Variants in SREK1 observed in about 807,000 individuals in gnomAD.
The protein encoded by SREK1 is splicing regulatory glutamic acid and lysine rich protein 1.
Under a neutral mutation model 66.5 loss-of-function variants are expected in SREK1, and 13 were observed. That is an observed-to-expected ratio of 0.20 (90% confidence interval 0.13 to 0.31). The LOEUF (loss-of-function observed/expected upper bound fraction) is 0.31, where lower values mean the gene tolerates loss of function less well. SREK1 is among the 10% of genes least tolerant of loss of function. The probability of loss-of-function intolerance (pLI) is 1.00; values close to 1 mark genes in which losing one functional copy is unlikely to be tolerated. For synonymous variants in SREK1, 265 were observed against 263.5 expected (o/e 1.01, Z -0.05); for missense variants, 607 against 769.6 (o/e 0.79, Z 2.50).
At chr5:66,148,521 G>A (rs913918324) in intron 1 of SREK1, among the ~76,000 whole-genome samples, 4 of 152,032 alleles carry the variant, frequency 2.6e-5, no homozygotes, top group African/African-American at 9.7e-5. Flanking sequence ...ATAAGATTTT[G>A]TATTTTAAAA....
intron 9 of SREK1, among the ~76,000 whole-genome samples, chr5:66,171,823 T>C (rs1438581411): frequency 6.6e-6 from 1 of 152,238 alleles, no homozygotes; most frequent in Non-Finnish European, 1.5e-5. Context: ...CTTTACTGTA[T>C]GCCAGACATG....
chr5:66,175,754 T>C (rs183206343), intron 10 of SREK1, among the ~76,000 whole-genome samples: 1 of 152,298 alleles, frequency 6.6e-6, no homozygotes, highest in East Asian at 1.9e-4. Flanking sequence ...TATTTCTTTT[T>C]CTGCGAATTG....
rs1746303565 is a variant in SREK1, at chr5:66,179,061, A to G, written c.*193A>G. The G allele has an allele frequency of 2.0e-6, 1 of 496,332 alleles. No homozygotes were observed. The highest frequency in any genetic ancestry group is 5.8e-5 in the South Asian group (1 of 17,288). The allele number at this position is 496,332 out of a possible 1,614,324, so 30.7% of individuals were successfully genotyped here. On this transcript the variant is annotated 3_prime_UTR_variant, in exon 12 of 12. Coordinates refer to ENST00000334121, the MANE Select transcript of SREK1 (RefSeq NM_001077199.3). ...ATAAAGCATGGACATCATGAAAATA[A>G]CAGATGTTACCCAAACTCATCTTCT...
Position 66,157,696 on chromosome 5 carries a change from G to C in SREK1, c.296-1523G>C, listed in dbSNP as rs534526552. 18 of 956,972 alleles carry C rather than the reference G, an allele frequency of 1.9e-5. 1 individual carries two copies. In the African/African-American group the frequency reaches 2.5e-4, roughly 13 times the overall value. 59.3% of individuals were successfully genotyped at this position (956,972 alleles called of 1,614,324 possible). ...TGCATGTTAAGAAATCTGTTCTCCAGAATTTTCACTGAAATAATAAAGATA... is the reference window on the plus strand; with the variant it reads ...TGCATGTTAAGAAATCTGTTCTCCACAATTTTCACTGAAATAATAAAGATA... On this transcript the variant is annotated intron_variant, in intron 2 of 11. Transcript: ENST00000334121.
Position 66,144,352 on chromosome 5 carries a change from G to A in SREK1, c.-25G>A. 6.6e-7 allele frequency: 1 copy of A among 1,515,728 alleles called. No individual in the cohort carries two copies. The highest frequency in any genetic ancestry group is 8.9e-7 in the Non-Finnish European group (1 of 1,121,024). 93.9% of individuals were successfully genotyped at this position (1,515,728 alleles called of 1,614,324 possible). A position where few individuals can be genotyped will look rare whatever the true frequency, so the allele number is the denominator to read the frequency against. ...GACGCGTCGTAGACGTTGGGGAGCGGGAAGGCAACGGCAGCGGGATCGGGA... is the reference window on the plus strand; with the variant it reads ...GACGCGTCGTAGACGTTGGGGAGCGAGAAGGCAACGGCAGCGGGATCGGGA... On this transcript the variant is annotated 5_prime_UTR_variant, in exon 1 of 12. Transcript: ENST00000334121.
chr5:66,174,835 C>G (rs1745922647), intron 9 of SREK1, 111 bp from the exon 10 acceptor site: 1 of 964,972 alleles, frequency 1.0e-6, no homozygotes, highest in African/African-American at 1.7e-5. Context: ...AAACTGGCCT[C>G]TAAAGAATAC....
intron 10 of SREK1, 69 bp from the exon 11 acceptor site, chr5:66,177,445 T>C: frequency 8.1e-7 from 1 of 1,230,542 alleles, no homozygotes; most frequent in Non-Finnish European, 1.1e-6. Context: ...TAGAAAAGGA[T>C]ATTTTGTCAA....
chr5:66,162,083 G>A, intron 3 of SREK1, 26 bp from the exon 4 acceptor site: 1 of 1,604,428 alleles, frequency 6.2e-7, no homozygotes, highest in South Asian at 1.1e-5. Flanking sequence ...TATGTGTTCT[G>A]TGTGTTTTTT....
At chr5:66,145,968 T>C (rs1320181090) in intron 1 of SREK1, among the ~76,000 whole-genome samples, 1 of 151,828 alleles carries the variant, frequency 6.6e-6, no homozygotes, top group Non-Finnish European at 1.5e-5. Flanking sequence ...AGATGAGATA[T>C]ATAGATGAGG....
chr5:66,159,882 G>T (rs6875721), intron 3 of SREK1, among the ~76,000 whole-genome samples: 1 of 152,210 alleles, frequency 6.6e-6, no homozygotes. Context: ...TGTAATCCCA[G>T]CACTTTGGGA....
chr5:66,158,965 C>T (rs1370566771), intron 2 of SREK1: 2 of 1,331,674 alleles, frequency 1.5e-6, no homozygotes, highest in African/African-American at 3.0e-5. Context: ...AAATAATTGT[C>T]TACATTATTC....
intron 1 of SREK1, among the ~76,000 whole-genome samples, chr5:66,148,763 G>A (rs1743492433): frequency 6.6e-6 from 1 of 152,128 alleles, no homozygotes; most frequent in Non-Finnish European, 1.5e-5. Flanking sequence ...TGCCTGGCCT[G>A]CTAGTTTCTA....
At chr5:66,161,825 A>G (rs1744798037) in intron 3 of SREK1, among the ~76,000 whole-genome samples, 1 of 152,228 alleles carries the variant, frequency 6.6e-6, no homozygotes, top group South Asian at 2.1e-4. Flanking sequence ...GTTCACGGAA[A>G]CTATAGAACA....
intron 6 of SREK1, chr5:66,164,310 A>G: frequency 3.7e-6 from 1 of 266,880 alleles, no homozygotes; most frequent in Non-Finnish European, 7.3e-6. Context: ...CCCGTGATTT[A>G]GAAAAAAATA....
At chr5:66,156,203 GTC>G (rs1744269409) in intron 2 of SREK1, 1 of 1,277,786 alleles carries the variant, frequency 7.8e-7, no homozygotes, top group South Asian at 2.9e-5. Context: ...TGGACGCCCT[GTC>G]TCTGTTTTTT....
chr5:66,180,382 C>CAGTT lies in SREK1; in HGVS notation c.*1515_*1518dup, dbSNP rs1435399982. 6.6e-6 allele frequency: 1 copy of CAGTT among 152,526 alleles called. No homozygotes were observed. Among genetic ancestry groups the CAGTT allele is most frequent in the African/African-American group, 2.4e-5 (1 of 41,448 alleles). The allele number at this position is 152,526 out of a possible 1,614,324, so 9.4% of individuals were successfully genotyped here. The stretch of plus-strand genomic sequence containing the variant: ...TGCAATCTAATACAATCAGATTACT[C>CAGTT]AGTTGCCTTACCTCATGGGAAGAGT... On this transcript the variant is annotated 3_prime_UTR_variant, in exon 12 of 12. Transcript: ENST00000334121.
chr5:66,171,032 T>TGTAC (rs1745605925), intron 9 of SREK1, 85 bp downstream of exon 9: 2 of 1,466,890 alleles, frequency 1.4e-6, no homozygotes, highest in Non-Finnish European at 1.8e-6. Context: ...AAAAGGTTAC[T>TGTAC]GTACGCAAGT....
intron 1 of SREK1, 81 bp from the exon 2 acceptor site, chr5:66,153,382 G>A: frequency 3.2e-6 from 5 of 1,540,294 alleles, no homozygotes; most frequent in South Asian, 1.2e-5. Flanking sequence ...TTATGTAAAG[G>A]TTAAGAAAGA....
At chr5:66,147,047 CT>C (rs1273718794) in intron 1 of SREK1, among the ~76,000 whole-genome samples, 1 of 151,948 alleles carries the variant, frequency 6.6e-6, no homozygotes, top group Non-Finnish European at 1.5e-5. Context: ...ATTGAGACCC[CT>C]ATCTCTTAAA....
Sources: allele counts gnomAD v4.1 joint callset (sites outside exome capture counted in the v4.1 genomes callset), GRCh38; gene constraint gnomAD v4.1.1; transcripts MANE v1.5; gene names NCBI Gene and HGNC (gene_info 2026-07-23, HGNC 2026-07-21).